C14orf39: variants seen among roughly 807,000 people sequenced by gnomAD.
The protein encoded by C14orf39 is chromosome 14 open reading frame 39.
In C14orf39, 66 loss-of-function variants were observed where a neutral mutation model predicts 85.6. That is an observed-to-expected ratio of 0.77 (90% CI 0.63 to 0.95). The LOEUF (loss-of-function observed/expected upper bound fraction) is 0.95, where lower values mean the gene tolerates loss of function less well. Ranked by LOEUF, C14orf39 falls within the 40% of genes least tolerant of loss-of-function variation. The pLI is 0.00. For missense variants in C14orf39, 735 were observed against 663.9 expected, an observed-to-expected ratio of 1.11 and a Z score of -1.18; for synonymous variants, 242 against 214.0, an observed-to-expected ratio of 1.13 and a Z score of -1.14.
chr14:60,466,834 T>C, intron 10 of C14orf39, 83 bp downstream of exon 10: 3 of 1,103,138 alleles, frequency 2.7e-6, no homozygotes, highest in Non-Finnish European at 3.6e-6. Context: ...TTACACCAAA[T>C]GATAAATAAA....
At chr14:60,501,861 G>T (rs1717807582) in intron 1 of C14orf39, among the ~76,000 whole-genome samples, 1 of 152,144 alleles carries the variant, frequency 6.6e-6, no homozygotes, top group Admixed American at 6.5e-5. Flanking sequence ...ATATTAAGTG[G>T]ATAGTTGCCC....
At chr14:60,506,002 C>T (rs946526139) in intron 1 of C14orf39, among the ~76,000 whole-genome samples, 4 of 152,206 alleles carry the variant, frequency 2.6e-5, no homozygotes, top group African/African-American at 9.6e-5. Flanking sequence ...TTGCCTAAAT[C>T]CAGCACGAAA....
Position 60,476,049 on chromosome 14 carries a change from A to G in C14orf39, c.323+2251T>C, listed in dbSNP as rs542930326. On this transcript the variant is annotated intron_variant, in intron 5 of 17. Coordinates refer to ENST00000321731, the MANE Select transcript of C14orf39 (RefSeq NM_174978.3). ...TGCTAGTCAGCGGGTCTGAATCTTA[A>G]GAAAGTTTTAATTTCTGAATATTAC... Among the ~76,000 whole-genome samples the G allele has an allele frequency of 3.8e-4, 58 of 152,302 alleles. No individual in the cohort carries two copies. In the East Asian group the frequency reaches 8.3e-3, roughly 22 times the overall value.
chr14:60,485,531 G>T (rs549597629), intron 1 of C14orf39, among the ~76,000 whole-genome samples: 3 of 152,312 alleles, frequency 2.0e-5, no homozygotes, highest in Admixed American at 2.0e-4. Flanking sequence ...TAAACCTAGA[G>T]AAACAGTGCG....
chr14:60,474,290 G>A, intron 5 of C14orf39, among the ~76,000 whole-genome samples: 1 of 152,172 alleles, frequency 6.6e-6, no homozygotes, highest in Admixed American at 6.5e-5. Context: ...CCAGCTTAAG[G>A]AGAGTTTGGG....
chr14:60,508,684 C>A (rs1177580312), intron 1 of C14orf39, among the ~76,000 whole-genome samples: 2 of 152,182 alleles, frequency 1.3e-5, no homozygotes, highest in African/African-American at 2.4e-5. Context: ...GAGAAGATCG[C>A]TTCCCCCCAC....
chr14:60,458,985 C>A (rs921688818), intron 13 of C14orf39, among the ~76,000 whole-genome samples: 1 of 151,674 alleles, frequency 6.6e-6, no homozygotes, highest in African/African-American at 2.4e-5. Context: ...ATCATGAGCA[C>A]TCTAAAAGGT....
intron 1 of C14orf39, among the ~76,000 whole-genome samples, chr14:60,501,302 T>C (rs1305099673): frequency 1.3e-5 from 1 of 79,780 alleles, no homozygotes; most frequent in South Asian, 4.2e-4. Context: ...CAAGACCCTG[T>C]CTCCAAAAAA....
At chr14:60,478,047 C>T (rs1015173097) in intron 5 of C14orf39, among the ~76,000 whole-genome samples, 7 of 151,792 alleles carry the variant, frequency 4.6e-5, no homozygotes, top group East Asian at 1.9e-4. Context: ...GGTGCGGTGG[C>T]GGGCGCCTGT....
chr14:60,452,630 T>A lies in C14orf39; in HGVS notation c.1503+2371A>T, dbSNP rs1187856976. On this transcript the variant is annotated intron_variant, in intron 16 of 17. Transcript: ENST00000321731. The stretch of plus-strand genomic sequence containing the variant: ...AGTCAAAATAATTTAATTGTACACT[T>A]TAAAATAACTAAAAGTATAACTGGA... Among the ~76,000 whole-genome samples the A allele has an allele frequency of 2.6e-5, 4 of 152,084 alleles. No individual in the cohort carries two copies. The East Asian group carries it at 7.7e-4, about 29-fold the overall frequency.
At chr14:60,505,859 T>C (rs1893196293) in intron 1 of C14orf39, among the ~76,000 whole-genome samples, 1 of 152,192 alleles carries the variant, frequency 6.6e-6, no homozygotes, top group African/African-American at 2.4e-5. Flanking sequence ...GTGACCAGGA[T>C]TCCACCTGTC....
chr14:60,436,789 AT>A lies in C14orf39; in HGVS notation c.*55del. 8.4e-7 allele frequency: 1 copy of A among 1,194,992 alleles called. No homozygotes were observed. The highest frequency in any genetic ancestry group is 1.2e-6 in the Non-Finnish European group (1 of 830,812). The allele number at this position is 1,194,992 out of a possible 1,614,324, so 74.0% of individuals were successfully genotyped here. A position where few individuals can be genotyped will look rare whatever the true frequency, so the allele number is the denominator to read the frequency against. Reference sequence around the variant, plus strand: ...CTTCATGTTTTAAGCAATAATGTAAATTTATGCCCTCATGAACACAGAACAG... The same window carrying A: ...CTTCATGTTTTAAGCAATAATGTAAATTATGCCCTCATGAACACAGAACAG... On this transcript the variant is annotated 3_prime_UTR_variant, in exon 18 of 18. Transcript: ENST00000321731.
intron 5 of C14orf39, among the ~76,000 whole-genome samples, chr14:60,476,904 T>C (rs1227792679): frequency 1.3e-5 from 2 of 152,186 alleles, no homozygotes; most frequent in Non-Finnish European, 2.9e-5. Flanking sequence ...ACACTGATTA[T>C]ATTTCCACAA....
At position 60,449,741 on chromosome 14, in the gene C14orf39, A is replaced by G. The variant is rs12587786; in HGVS notation, c.1503+5260T>C. On this transcript the variant is annotated intron_variant, in intron 16 of 17. Coordinates refer to ENST00000321731, the MANE Select transcript of C14orf39 (RefSeq NM_174978.3). ...TTATTTTGTTTCTTCATTTTACTTC[A>G]GGTTTGCTTAGTTCTTCTTTCTCTA... 5.9e-5 allele frequency among the ~76,000 whole-genome samples: 9 copies of G among 151,848 alleles called. No individual in the cohort carries two copies. In the East Asian group the frequency reaches 1.8e-3, roughly 30 times the overall value.
At chr14:60,461,226 T>C (rs1891509557) in intron 13 of C14orf39, 128 bp downstream of exon 13, 1 of 671,896 alleles carries the variant, frequency 1.5e-6, no homozygotes, top group Admixed American at 2.9e-5. Flanking sequence ...AGATGTATTT[T>C]AAAGCCAGGC....
At chr14:60,511,632 T>C (rs1021707689) in intron 1 of C14orf39, 2 of 360,640 alleles carry the variant, frequency 5.5e-6, no homozygotes, top group Non-Finnish European at 5.3e-6. Flanking sequence ...CGCTTTAAAG[T>C]TTTTTTTTAA....
intron 1 of C14orf39, among the ~76,000 whole-genome samples, chr14:60,508,368 A>T (rs1444728455): frequency 6.6e-6 from 1 of 152,150 alleles, no homozygotes; most frequent in Admixed American, 6.5e-5. Context: ...CAAGTCCATT[A>T]AACTGGGGGA....
chr14:60,479,254 T>C (rs1211761282), intron 4 of C14orf39, among the ~76,000 whole-genome samples: 8 of 152,214 alleles, frequency 5.3e-5, no homozygotes, highest in African/African-American at 1.9e-4. Context: ...TGTACTTAAA[T>C]ATATCTGAAT....
At chr14:60,437,143 T>C in intron 17 of C14orf39, 96 bp from the exon 18 acceptor site, 5 of 783,612 alleles carry the variant, frequency 6.4e-6, no homozygotes, top group South Asian at 3.7e-5. Flanking sequence ...ATAAATATGG[T>C]AACACTGAAT....
Sources: allele counts gnomAD v4.1 joint callset (sites outside exome capture counted in the v4.1 genomes callset), GRCh38; gene constraint gnomAD v4.1.1; transcripts MANE v1.5; gene names NCBI Gene and HGNC (gene_info 2026-07-23, HGNC 2026-07-21).